The following PLCL2 variants were observed in gnomAD, a reference collection of about 807,000 sequenced individuals.
PLCL2 encodes inactive phospholipase C-like protein 2.
PLCL2 carries 4 observed loss-of-function variants against 79.6 expected under a neutral mutation model. That is an observed-to-expected ratio of 0.05 (90% CI 0.02 to 0.11). The LOEUF (loss-of-function observed/expected upper bound fraction) is 0.11, where lower values mean the gene tolerates loss of function less well. PLCL2 is among the 10% of genes least tolerant of loss of function. The pLI is 1.00. For missense variants in PLCL2, 895 were observed against 1,291.0 expected (o/e 0.69, Z 4.70); for synonymous variants, 484 against 457.7 (o/e 1.06, Z -0.73).
intron 1 of PLCL2, among the ~76,000 whole-genome samples, chr3:17,007,085 G>A (rs1444724351): frequency 2.0e-5 from 3 of 152,124 alleles, no homozygotes; most frequent in Non-Finnish European, 2.9e-5. Flanking sequence ...TTTGAGACAC[G>A]ATATATAAAG....
chr3:17,029,481 C>A (rs2064558179), intron 3 of PLCL2, among the ~76,000 whole-genome samples: 1 of 152,102 alleles, frequency 6.6e-6, no homozygotes, highest in South Asian at 2.1e-4. Context: ...AGTTAAGCTG[C>A]CTGAGGTGGG....
At chr3:16,954,794 T>G (rs2063688168) in intron 1 of PLCL2, among the ~76,000 whole-genome samples, 1 of 152,258 alleles carries the variant, frequency 6.6e-6, no homozygotes, top group South Asian at 2.1e-4. Context: ...TGAGCATTTT[T>G]TGGTGTGTTT....
At chr3:17,077,669 CT>C (rs1298054229) in intron 5 of PLCL2, among the ~76,000 whole-genome samples, 20 of 152,298 alleles carry the variant, frequency 1.3e-4, no homozygotes, top group Middle Eastern at 3.4e-3. Context: ...GAATCTCATA[CT>C]AGAAGAGTCC....
At chr3:16,889,113 G>T (rs1348841894) in intron 1 of PLCL2, among the ~76,000 whole-genome samples, 1 of 152,078 alleles carries the variant, frequency 6.6e-6, no homozygotes, top group Non-Finnish European at 1.5e-5. Context: ...AGTAATAACG[G>T]TAGCCAACAC....
rs551168286 is a variant in PLCL2 at position 16,952,718 on chromosome 3, G to A, written c.328-56956G>A. ...AGGTTATTTTTGAATTATTTCTTGA[G>A]TGATGATATAATTTAATTTTTTCTT... On this transcript the variant is annotated intron_variant, in intron 1 of 5. Coordinates refer to ENST00000615277, the MANE Select transcript of PLCL2 (RefSeq NM_001144382.2). 3.3e-5 allele frequency among the ~76,000 whole-genome samples: 5 copies of A among 152,084 alleles called. No individual in the cohort carries two copies. In the South Asian group the frequency reaches 1.0e-3, roughly 32 times the overall value.
chr3:17,078,455 CT>C (rs34710176), intron 5 of PLCL2, among the ~76,000 whole-genome samples: 29,376 of 146,254 alleles, frequency 0.2, 3,267 homozygotes, highest in East Asian at 0.54. Context: ...GATGGCTGGG[CT>C]TTTTTTTTTT....
At chr3:17,039,384 A>T (rs78176481) in intron 3 of PLCL2, among the ~76,000 whole-genome samples, 2,127 of 152,322 alleles carry the variant, frequency 0.014, 60 homozygotes, top group African/African-American at 0.048. Context: ...GTGTTGCTAT[A>T]GGAGCCCACA....
Position 17,069,428 on chromosome 3 carries a change from G to C in PLCL2, c.3204+1363G>C, listed in dbSNP as rs140098620. Among the ~76,000 whole-genome samples the C allele has an allele frequency of 3.9e-3, 601 of 152,224 alleles. 3 individuals are homozygous for C. Among genetic ancestry groups the C allele is most frequent in the Non-Finnish European group, 5.6e-3 (384 of 68,002 alleles). The stretch of plus-strand genomic sequence containing the variant: ...TTCAGAGAGGAGATCAGAGGCATTT[G>C]TGCTTCTCTTTGGTGGGTCCAGTTT... On this transcript the variant is annotated intron_variant, in intron 5 of 5. Transcript: ENST00000615277.
intron 1 of PLCL2, among the ~76,000 whole-genome samples, chr3:16,983,712 T>C (rs771263121): frequency 1.3e-5 from 2 of 152,166 alleles, no homozygotes; most frequent in African/African-American, 4.8e-5. Context: ...CTAAGTCAAT[T>C]TATAATACTA....
At chr3:16,959,246 C>T (rs2063733386) in intron 1 of PLCL2, among the ~76,000 whole-genome samples, 1 of 152,188 alleles carries the variant, frequency 6.6e-6, no homozygotes, top group African/African-American at 2.4e-5. Context: ...CTCCCTTTTA[C>T]TACAAAACAT....
At chr3:17,085,519 C>T (rs977751581) in intron 5 of PLCL2, among the ~76,000 whole-genome samples, 5 of 150,848 alleles carry the variant, frequency 3.3e-5, no homozygotes, top group Non-Finnish European at 7.4e-5. Context: ...GGTGTGATCT[C>T]GGCTCACTGC....
At chr3:17,001,577 C>A (rs1193258548) in intron 1 of PLCL2, among the ~76,000 whole-genome samples, 3 of 152,038 alleles carry the variant, frequency 2.0e-5, no homozygotes, top group Admixed American at 2.0e-4. Flanking sequence ...ATATGGATAT[C>A]TGGTTTTCCT....
At position 16,970,054 on chromosome 3, in the gene PLCL2, A is replaced by ATTTT. The variant is rs1255921478; in HGVS notation, c.328-39619_328-39618insTTTT. Among the ~76,000 whole-genome samples, 660 of 130,416 alleles carry ATTTT rather than the reference A, an allele frequency of 5.1e-3. 9 individuals are homozygous for ATTTT. The East Asian group carries it at 0.072, about 14-fold the overall frequency. The allele number at this position is 130,416 out of a possible 152,430, so 85.6% of individuals were successfully genotyped here. On this transcript the variant is annotated intron_variant, in intron 1 of 5. Transcript: ENST00000615277. ...GGCTTTGATTTATATATATATATAT[A>ATTTT]TATATTTTATTTTATTATTATTACA...
In PLCL2 at chr3:17,067,970, G is replaced by C. The variant is rs751958876; in HGVS notation, c.3109G>C (p.Glu1037Gln). Reference sequence around the variant, plus strand: ...ATTTCTTTCAGCCATGGAATTCCATGAACACTTGCACAGCATAGGCACCAA... The same window carrying C: ...ATTTCTTTCAGCCATGGAATTCCATCAACACTTGCACAGCATAGGCACCAA... Reference protein sequence around the residue: ...HCQKAAMEFHEHLHSIGTKEG... With the variant: ...HCQKAAMEFHQHLHSIGTKEG... Residue 1037 changes from glutamate (E) to glutamine (Q), a missense_variant, in exon 5 of 6, where the codon GAA becomes CAA. Coordinates refer to ENST00000615277, the MANE Select transcript of PLCL2 (RefSeq NM_001144382.2). 3 of 1,603,222 alleles carry C rather than the reference G, an allele frequency of 1.9e-6. No homozygotes were observed. In the East Asian group the frequency reaches 6.7e-5, roughly 36 times the overall value.
chr3:16,905,149 T>C (rs1333227377), intron 1 of PLCL2, among the ~76,000 whole-genome samples: 1 of 152,174 alleles, frequency 6.6e-6, no homozygotes, highest in Non-Finnish European at 1.5e-5. Flanking sequence ...ATCCTCTCCT[T>C]CATGACACAG....
chr3:17,037,420 CT>C (rs2064669514), intron 3 of PLCL2, among the ~76,000 whole-genome samples: 1 of 152,196 alleles, frequency 6.6e-6, no homozygotes, highest in Non-Finnish European at 1.5e-5. Context: ...TGGAAAGATA[CT>C]TCCCTGTTAT....
chr3:16,984,057 ATGGTTCTGCCAG>A (rs2064025064), intron 1 of PLCL2, among the ~76,000 whole-genome samples: 1 of 152,198 alleles, frequency 6.6e-6, no homozygotes, highest in Non-Finnish European at 1.5e-5. Context: ...GGATAATTCT[ATGGTTCTGCCAG>A]AAGCTATGTT....
intron 1 of PLCL2, among the ~76,000 whole-genome samples, chr3:16,929,088 A>C (rs77376395): frequency 1 from 112,806 of 112,808 alleles, 56,402 homozygotes; most frequent in Non-Finnish European, 1. Flanking sequence ...CAGCCGCAGC[A>C]TAGAGAAGAG....
At chr3:17,043,055 G>A in intron 4 of PLCL2, 106 bp downstream of exon 4, 2 of 759,002 alleles carry the variant, frequency 2.6e-6, no homozygotes, top group Non-Finnish European at 4.6e-6. Flanking sequence ...AATCAAATAA[G>A]AAAATTATTT....
Sources: allele counts gnomAD v4.1 joint callset (sites outside exome capture counted in the v4.1 genomes callset), GRCh38; gene constraint gnomAD v4.1.1; transcripts MANE v1.5; gene names NCBI Gene and HGNC (gene_info 2026-07-23, HGNC 2026-07-21).